The following SYCP2L variants were observed in gnomAD, a reference collection of about 807,000 sequenced individuals.
SYCP2L encodes the protein synaptonemal complex protein 2 like, also known as synaptonemal complex protein 2-like.
In SYCP2L, 98 loss-of-function variants were observed where a neutral mutation model predicts 125.8. The ratio of observed to expected loss-of-function variants is 0.78; its 90% confidence interval spans 0.66 to 0.92. The LOEUF (loss-of-function observed/expected upper bound fraction) is 0.92, where lower values mean the gene tolerates loss of function less well. SYCP2L is among the 40% of genes least tolerant of loss of function. SYCP2L has a pLI of 0.00. For synonymous variants in SYCP2L, 317 were observed against 325.4 expected (o/e 0.97, Z 0.28); for missense variants, 842 against 936.4 (o/e 0.90, Z 1.32).
rs1304556630 is a variant in SYCP2L at position 10,902,934 on chromosome 6, C to T, written c.612C>T (p.Phe204=). The change falls in exon 8 of 30, where the codon TTC becomes TTT. Residue 204 remains phenylalanine (F), a synonymous_variant. Coordinates refer to ENST00000283141, the MANE Select transcript of SYCP2L (RefSeq NM_001040274.3). ...TCCCTCGAGAAGAGAGAAAAAAATT[C>T]CCTTTGTCAGAAGGCATGTGTCATC... ...HAVPREERKK[F]PLSEGMCHLM... is the part of the protein sequence containing the mutation. 6.2e-7 allele frequency: 1 copy of T among 1,614,110 alleles called. No individual in the cohort carries two copies. Among genetic ancestry groups the T allele is most frequent in the East Asian group, 2.2e-5 (1 of 44,874 alleles).
Position 10,912,947 on chromosome 6 carries a change from C to A in SYCP2L, c.1072+20C>A, listed in dbSNP as rs752138163. The stretch of plus-strand genomic sequence containing the variant: ...TAACAGGTAATATGATACATTTAAA[C>A]AACCCACGTCCAGTTCCAAATATTA... On this transcript the variant is annotated intron_variant, in intron 14 of 29. Transcript: ENST00000283141. This position sits in a 1 kb window ranked among gnomAD's most constrained non-coding sequence, Gnocchi z 4.1. 5 of 1,607,802 alleles carry A rather than the reference C, an allele frequency of 3.1e-6. No individual in the cohort carries two copies. The highest frequency in any genetic ancestry group is 1.3e-5 in the African/African-American group (1 of 74,806).
chr6:10,939,870 T>C (rs1781181682), intron 21 of SYCP2L, among the ~76,000 whole-genome samples: 1 of 152,146 alleles, frequency 6.6e-6, no homozygotes, highest in Non-Finnish European at 1.5e-5. Flanking sequence ...AAAAATCTTG[T>C]GCACAGCAAA....
intron 8 of SYCP2L, among the ~76,000 whole-genome samples, chr6:10,904,305 C>T (rs777084498): frequency 3.9e-5 from 6 of 152,244 alleles, no homozygotes; most frequent in African/African-American, 1.4e-4. Flanking sequence ...AAACCAGCAC[C>T]GTGTTTTGAA....
chr6:10,909,456 C>T (rs4711127), intron 10 of SYCP2L, among the ~76,000 whole-genome samples: 55,782 of 151,988 alleles, frequency 0.37, 11,636 homozygotes, highest in Admixed American at 0.52. Context: ...GAAAGGCTTA[C>T]ACTGCTGAGG....
At chr6:10,901,295 A>G (rs1041177023) in intron 6 of SYCP2L, among the ~76,000 whole-genome samples, 6 of 152,194 alleles carry the variant, frequency 3.9e-5, no homozygotes, top group African/African-American at 1.2e-4. Flanking sequence ...AGGCTGTGAG[A>G]GGGACATGGT....
rs112467439 is a variant in SYCP2L at position 10,966,631 on chromosome 6, A to AT, written c.*37+2790dup. ...AGGACAAGGACAGGGGAAAAAGTAGATTGAACATGATTGAAAAACAAATTA... is the reference window on the plus strand; with the variant it reads ...AGGACAAGGACAGGGGAAAAAGTAGATTTGAACATGATTGAAAAACAAATTA... On this transcript the variant is annotated intron_variant, in intron 29 of 29. Transcript: ENST00000283141. Among the ~76,000 whole-genome samples, 786 of 152,340 alleles carry AT rather than the reference A, an allele frequency of 5.2e-3. 7 individuals carry two copies. The highest frequency in any genetic ancestry group is 0.018 in the African/African-American group (750 of 41,580).
intron 2 of SYCP2L, 28 bp downstream of exon 2, chr6:10,891,609 C>CTGTGTGTGTGTGTGTGTGTG: frequency 1.4e-6 from 1 of 717,860 alleles, no homozygotes; most frequent in African/African-American, 2.4e-5. Context: ...TTTATAATCT[C>CTGTGTGTGTGTGTGTGTGTG]TCTCTGTGTG....
intron 29 of SYCP2L, among the ~76,000 whole-genome samples, chr6:10,971,694 G>GT (rs151337465): frequency 0.45 from 68,047 of 151,250 alleles, 15,896 homozygotes; most frequent in East Asian, 0.68. Flanking sequence ...TTTTGTTTTT[G>GT]TTTTTTTGAG....
At chr6:10,901,772 A>G (rs1273533811) in intron 6 of SYCP2L, among the ~76,000 whole-genome samples, 1 of 152,244 alleles carries the variant, frequency 6.6e-6, no homozygotes, top group Non-Finnish European at 1.5e-5. Context: ...TATCTAGTTC[A>G]AATAGGCTTA....
intron 21 of SYCP2L, among the ~76,000 whole-genome samples, chr6:10,939,175 C>A (rs1781168859): frequency 6.7e-6 from 1 of 149,792 alleles, no homozygotes; most frequent in African/African-American, 2.5e-5. Context: ...ATAAAAATAA[C>A]CAAGGAGGTG....
At chr6:10,889,294 C>G (rs1031823994) in intron 1 of SYCP2L, among the ~76,000 whole-genome samples, 4 of 152,112 alleles carry the variant, frequency 2.6e-5, no homozygotes, top group African/African-American at 9.7e-5. Context: ...TATTAATTGA[C>G]ACATAGTAAT....
At chr6:10,898,193 G>T in intron 5 of SYCP2L, 78 bp downstream of exon 5, 1 of 1,101,638 alleles carries the variant, frequency 9.1e-7, no homozygotes, top group Non-Finnish European at 1.4e-6. Flanking sequence ...TATAAAACAT[G>T]GTTTTCTATA....
At chr6:10,921,112 A>G (rs990234329) in intron 14 of SYCP2L, among the ~76,000 whole-genome samples, 1 of 152,138 alleles carries the variant, frequency 6.6e-6, no homozygotes, top group Admixed American at 6.5e-5. Flanking sequence ...GCTCCCACTT[A>G]TAAGTGAGAA....
intron 28 of SYCP2L, among the ~76,000 whole-genome samples, 168 bp from the exon 29 acceptor site, chr6:10,963,614 G>A (rs1150561): frequency 0.034 from 5,167 of 152,274 alleles, 128 homozygotes; most frequent in Middle Eastern, 0.065. Context: ...AATGGAATCA[G>A]ATGAACATGT....
At chr6:10,890,440 A>G (rs763140568) in intron 1 of SYCP2L, among the ~76,000 whole-genome samples, 7 of 152,138 alleles carry the variant, frequency 4.6e-5, no homozygotes, top group East Asian at 3.8e-4. Flanking sequence ...GCATTTTCCA[A>G]TGATTAGTGA....
intron 15 of SYCP2L, among the ~76,000 whole-genome samples, chr6:10,926,079 C>A (rs540420325): frequency 6.6e-6 from 1 of 152,068 alleles, no homozygotes; most frequent in Non-Finnish European, 1.5e-5. Flanking sequence ...AAGACCTGGG[C>A]CAGAGACAGG....
rs988886610 is a variant in SYCP2L at position 10,956,154 on chromosome 6, C to T, written c.2075C>T (p.Ser692Phe). Residue 692 changes from serine to phenylalanine, a missense_variant, in exon 25 of 30, where the codon TCC (serine) becomes TTC (phenylalanine). Coordinates refer to ENST00000283141, the MANE Select transcript of SYCP2L (RefSeq NM_001040274.3). ...TTTCCAGAAGGAATTTCCACTTCAT[C>T]CCTAGAAGTTGTGCCAGAGAACTTG... ...RELPEGISTS[S>F]LEVVPENLNG... 1 of 1,613,662 alleles carries T rather than the reference C, an allele frequency of 6.2e-7. No homozygotes were observed.
At chr6:10,955,251 G>A (rs1781482972) in intron 24 of SYCP2L, 34 bp downstream of exon 24, 10 of 1,396,876 alleles carry the variant, frequency 7.2e-6, no homozygotes, top group African/African-American at 2.8e-5. Context: ...GGTTCAAGTA[G>A]GAGTGGGATA....
At chr6:10,957,490 A>AG (rs1781519966) in intron 25 of SYCP2L, among the ~76,000 whole-genome samples, 1 of 152,048 alleles carries the variant, frequency 6.6e-6, no homozygotes, top group Non-Finnish European at 1.5e-5. Flanking sequence ...GACAAGGAGG[A>AG]GGGGAAGGAT....
Sources: gnomAD v4.1 joint callset for allele counts (sites outside exome capture counted in the v4.1 genomes callset) on GRCh38, gnomAD v4.1.1 for gene constraint, Gnocchi (gnomAD v3.1) non-coding constraint, MANE v1.5 for transcripts, NCBI Gene and HGNC (gene_info 2026-07-23, HGNC 2026-07-21) for gene names.